TMEM170A: variants seen among roughly 807,000 people sequenced by gnomAD.
TMEM170A encodes transmembrane protein 170A.
TMEM170A carries 18 observed loss-of-function variants against 12.8 expected under a neutral mutation model. The observed-to-expected ratio is 1.41, with a 90% CI of 0.97 to 2.09. The LOEUF is 2.09. Ranked by LOEUF, TMEM170A falls within the 30% of genes most tolerant of loss-of-function variation. The pLI is 0.00. For missense variants in TMEM170A, 220 were observed against 179.9 expected (o/e 1.22, Z -1.28); for synonymous variants, 107 against 76.2 (o/e 1.40, Z -2.11).
chr16:75,454,630 G>A lies in TMEM170A; in HGVS notation c.134-2791C>T, dbSNP rs118016426. On this transcript the variant is annotated intron_variant, in intron 1 of 2. Coordinates refer to ENST00000561878, the MANE Select transcript of TMEM170A (RefSeq NM_145254.3). ...AGCCTGGGAGACAGAATGACACTCCGTCTCAAAAAAATAAAAGAGCAATGA... is the reference window on the plus strand; with the variant it reads ...AGCCTGGGAGACAGAATGACACTCCATCTCAAAAAAATAAAAGAGCAATGA... 1.4e-3 allele frequency among the ~76,000 whole-genome samples: 211 copies of A among 152,150 alleles called. 1 individual carries two copies. The East Asian group carries it at 0.018, about 13-fold the overall frequency.
chr16:75,448,593 T>C (rs1177181702), intron 2 of TMEM170A, among the ~76,000 whole-genome samples: 1 of 151,932 alleles, frequency 6.6e-6, no homozygotes, highest in Non-Finnish European at 1.5e-5. Flanking sequence ...TGAAACCCCA[T>C]CTCTACTAAA....
chr16:75,461,139 C>T (rs1165355953), intron 1 of TMEM170A, among the ~76,000 whole-genome samples: 2 of 152,096 alleles, frequency 1.3e-5, no homozygotes, highest in Non-Finnish European at 2.9e-5. Flanking sequence ...CTGCAACCTC[C>T]CCCTCCCAGG....
intron 1 of TMEM170A, among the ~76,000 whole-genome samples, chr16:75,454,968 A>G (rs2079761736): frequency 6.6e-6 from 1 of 152,218 alleles, no homozygotes; most frequent in African/African-American, 2.4e-5. Context: ...ATTGTCCATA[A>G]TATCAAAAAC....
chr16:75,464,435 G>A, intron 1 of TMEM170A, 33 bp downstream of exon 1: 2 of 1,408,206 alleles, frequency 1.4e-6, no homozygotes, highest in East Asian at 3.1e-5. Context: ...CGACGGCGGG[G>A]CGCGCAGTGC....
intron 1 of TMEM170A, among the ~76,000 whole-genome samples, chr16:75,459,173 C>T (rs563448870): frequency 6.6e-6 from 1 of 152,294 alleles, no homozygotes; most frequent in South Asian, 2.1e-4. Flanking sequence ...GGATTACAGG[C>T]ATGAGCCACT....
intron 1 of TMEM170A, among the ~76,000 whole-genome samples, chr16:75,460,960 T>TA (rs2079893660): frequency 6.6e-6 from 1 of 152,192 alleles, no homozygotes. Context: ...TGATACAAGA[T>TA]AAAGATCTCA....
intron 2 of TMEM170A, chr16:75,451,405 G>C (rs1030261): frequency 0.58 from 305,373 of 526,486 alleles, 90,122 homozygotes; most frequent in Admixed American, 0.66. Flanking sequence ...AAAAATTAGC[G>C]GGGCATGGTG....
intron 2 of TMEM170A, among the ~76,000 whole-genome samples, chr16:75,449,768 A>C (rs913412525): frequency 2.0e-5 from 3 of 152,220 alleles, no homozygotes; most frequent in African/African-American, 7.2e-5. Context: ...AACATCTGAA[A>C]GACATGTTTC....
chr16:75,464,568 C>CCCGCCGCTG lies in TMEM170A; in HGVS notation c.24_32dup (p.Gly10_Ser12dup), dbSNP rs1231717686. 5.7e-6 allele frequency: 9 copies of CCCGCCGCTG among 1,586,652 alleles called. No homozygotes were observed. The highest frequency in any genetic ancestry group is 1.4e-5 in the African/African-American group (1 of 72,056). On this transcript the variant is annotated inframe_insertion, in exon 1 of 3. Coordinates refer to ENST00000561878, the MANE Select transcript of TMEM170A (RefSeq NM_145254.3). ...GGATCTGCTGCAGGAGCCCGGCCGA[C>CCCGCCGCTG]CCGCCGCTGCCGCCGCTCCCCTCGC...
chr16:75,464,380 C>A, intron 1 of TMEM170A, 88 bp downstream of exon 1: 1 of 1,374,448 alleles, frequency 7.3e-7, no homozygotes, highest in Non-Finnish European at 9.4e-7. Flanking sequence ...AGGCTGCGCA[C>A]CCGGGACCCC....
intron 1 of TMEM170A, among the ~76,000 whole-genome samples, chr16:75,461,919 G>A (rs879600908): frequency 2.0e-5 from 3 of 152,192 alleles, no homozygotes; most frequent in Non-Finnish European, 2.9e-5. Context: ...ATTACCTACT[G>A]TGATGTATTA....
chr16:75,460,793 A>AT (rs1015465979), intron 1 of TMEM170A, among the ~76,000 whole-genome samples: 2 of 152,206 alleles, frequency 1.3e-5, no homozygotes, highest in African/African-American at 4.8e-5. Context: ...CTGAGCAAAT[A>AT]TTTTTTGAGT....
At position 75,443,743 on chromosome 16, in the gene TMEM170A, G is replaced by C. The variant is rs933478385; in HGVS notation, c.*3815C>G. On this transcript the variant is annotated 3_prime_UTR_variant, in exon 3 of 3. Coordinates refer to ENST00000561878, the MANE Select transcript of TMEM170A (RefSeq NM_145254.3). ...CTTTTAGAATATTCATGATGCTCTT[G>C]TGTATGAACTTAAGTTTTCATGAAA... 1 of 152,144 alleles carries C rather than the reference G, an allele frequency of 6.6e-6. No individual in the cohort carries two copies. The highest frequency in any genetic ancestry group is 2.4e-5 in the African/African-American group (1 of 41,420). The allele number at this position is 152,144 out of a possible 1,614,324, so 9.4% of individuals were successfully genotyped here.
At position 75,446,909 on chromosome 16, in the gene TMEM170A, T is replaced by A. The variant is rs1288501295; in HGVS notation, c.*649A>T. 1 of 152,246 alleles carries A rather than the reference T, an allele frequency of 6.6e-6. No homozygotes were observed. Among genetic ancestry groups the A allele is most frequent in the East Asian group, 1.9e-4 (1 of 5,206 alleles). 9.4% of individuals were successfully genotyped at this position (152,246 alleles called of 1,614,324 possible). A position where few individuals can be genotyped will look rare whatever the true frequency, so the allele number is the denominator to read the frequency against. ...TAACAAATTCACATCTCTTAAAATA[T>A]CTTAATCAGAAGTCAAGACAGTTGT... On this transcript the variant is annotated 3_prime_UTR_variant, in exon 3 of 3. Transcript: ENST00000561878.
chr16:75,453,970 T>C (rs2151636521), intron 1 of TMEM170A, among the ~76,000 whole-genome samples: 2 of 152,330 alleles, frequency 1.3e-5, no homozygotes, highest in East Asian at 3.9e-4. Flanking sequence ...ATCCTCAAGG[T>C]AGCTCTCCAG....
rs1941488341 is a variant in TMEM170A at position 75,446,318 on chromosome 16, C to T, written c.*1240G>A. 1 of 152,018 alleles carries T rather than the reference C, an allele frequency of 6.6e-6. No individual in the cohort carries two copies. The highest frequency in any genetic ancestry group is 2.1e-4 in the South Asian group (1 of 4,822). The allele number at this position is 152,018 out of a possible 1,614,324, so 9.4% of individuals were successfully genotyped here. On this transcript the variant is annotated 3_prime_UTR_variant, in exon 3 of 3. Transcript: ENST00000561878. The stretch of plus-strand genomic sequence containing the variant: ...GATCACATTAAATACTTAATTTCTG[C>T]GATTCTTTCCCTCTCAAAGAGTCAC...
chr16:75,447,507 T>C lies in TMEM170A; in HGVS notation c.*51A>G, dbSNP rs1307555095. Reference sequence around the variant, plus strand: ...ACACTACACTCCATAATGTATTCTTTTGGAGGATTCCATAAAGTTTAAGTT... The same window carrying C: ...ACACTACACTCCATAATGTATTCTTCTGGAGGATTCCATAAAGTTTAAGTT... On this transcript the variant is annotated 3_prime_UTR_variant, in exon 3 of 3. Transcript: ENST00000561878. 1.3e-6 allele frequency: 2 copies of C among 1,568,416 alleles called. No individual in the cohort carries two copies. The highest frequency in any genetic ancestry group is 1.7e-6 in the Non-Finnish European group (2 of 1,160,928).
intron 1 of TMEM170A, 147 bp from the exon 2 acceptor site, chr16:75,451,986 T>G: frequency 1.3e-6 from 1 of 777,024 alleles, no homozygotes; most frequent in Non-Finnish European, 2.0e-6. Flanking sequence ...TTTAATTTTT[T>G]TTTGAGACGG....
chr16:75,458,572 G>C (rs1357054456), intron 1 of TMEM170A: 1 of 152,166 alleles, frequency 6.6e-6, no homozygotes, highest in African/African-American at 2.4e-5. Context: ...TGCTGGAAAA[G>C]GCAAGCAAAG....
Sources: allele counts gnomAD v4.1 joint callset (sites outside exome capture counted in the v4.1 genomes callset), GRCh38; gene constraint gnomAD v4.1.1; transcripts MANE v1.5; gene names NCBI Gene and HGNC (gene_info 2026-07-23, HGNC 2026-07-21).